Variants in PIBF1 observed in about 807,000 individuals in gnomAD.
PIBF1 encodes the protein progesterone-induced-blocking factor 1.
Under a neutral mutation model 112.5 loss-of-function variants are expected in PIBF1, and 90 were observed. The observed-to-expected ratio is 0.80, with a 90% CI of 0.67 to 0.95. The LOEUF (loss-of-function observed/expected upper bound fraction) is 0.95, where lower values mean the gene tolerates loss of function less well. Among genes scored for constraint, PIBF1 ranks in the 40% least tolerant of loss-of-function variants. The pLI is 0.00. For synonymous variants in PIBF1, 301 were observed against 288.6 expected (o/e 1.04, Z -0.44); for missense variants, 915 against 852.3 (o/e 1.07, Z -0.92).
At chr13:72,883,427 A>C (rs1050375876) in intron 10 of PIBF1, among the ~76,000 whole-genome samples, 5 of 152,188 alleles carry the variant, frequency 3.3e-5, no homozygotes, top group African/African-American at 1.2e-4. Flanking sequence ...CAACATGGTG[A>C]CTATAGTCAG....
chr13:72,944,042 C>T (rs1381654883), intron 14 of PIBF1, among the ~76,000 whole-genome samples: 1 of 152,124 alleles, frequency 6.6e-6, no homozygotes, highest in Admixed American at 6.5e-5. Flanking sequence ...TTATTTTTCT[C>T]TTGCTGGCCA....
chr13:72,913,823 G>A (rs1395229093), intron 12 of PIBF1, among the ~76,000 whole-genome samples: 1 of 151,576 alleles, frequency 6.6e-6, no homozygotes, highest in Non-Finnish European at 1.5e-5. Flanking sequence ...TTTTCAGTGT[G>A]TCCACATGTA....
At chr13:72,804,659 G>A (rs1352851029) in intron 5 of PIBF1, among the ~76,000 whole-genome samples, 1 of 152,148 alleles carries the variant, frequency 6.6e-6, no homozygotes, top group Non-Finnish European at 1.5e-5. Flanking sequence ...GAGATGGGTT[G>A]GGAGAAGGTC....
At chr13:72,946,975 C>T (rs1256664756) in intron 14 of PIBF1, among the ~76,000 whole-genome samples, 1 of 152,200 alleles carries the variant, frequency 6.6e-6, no homozygotes, top group African/African-American at 2.4e-5. Context: ...GCCGTCTTCT[C>T]ACGGCTCCAC....
intron 1 of PIBF1, among the ~76,000 whole-genome samples, chr13:72,782,841 A>G (rs2034354713): frequency 6.6e-6 from 1 of 151,146 alleles, no homozygotes; most frequent in African/African-American, 2.4e-5. Flanking sequence ...CCCTATTTTG[A>G]CATTTAAGGC....
At chr13:72,982,038 A>G (rs2043169867) in intron 16 of PIBF1, among the ~76,000 whole-genome samples, 1 of 152,208 alleles carries the variant, frequency 6.6e-6, no homozygotes, top group African/African-American at 2.4e-5. Flanking sequence ...CTACTTTGCA[A>G]GGTTCTGTGA....
chr13:72,940,119 CACCT>C, intron 14 of PIBF1, among the ~76,000 whole-genome samples: 1 of 152,212 alleles, frequency 6.6e-6, no homozygotes, highest in East Asian at 1.9e-4. Flanking sequence ...TCAATCCTCT[CACCT>C]TCCTTTGAGG....
intron 16 of PIBF1, among the ~76,000 whole-genome samples, chr13:72,977,205 T>A (rs927388739): frequency 6.6e-6 from 1 of 151,768 alleles, no homozygotes; most frequent in Non-Finnish European, 1.5e-5. Flanking sequence ...TTTGTTTTGT[T>A]TTGTCTTGTT....
At chr13:72,857,226 A>G (rs1335766826) in intron 10 of PIBF1, among the ~76,000 whole-genome samples, 1 of 152,228 alleles carries the variant, frequency 6.6e-6, no homozygotes, top group African/African-American at 2.4e-5. Context: ...CATACCTCAT[A>G]ACTTACACCA....
rs1201583185 is a variant in PIBF1 at position 72,990,255 on chromosome 13, C to T, written c.2050-8567C>T. 2.0e-5 allele frequency among the ~76,000 whole-genome samples: 3 copies of T among 149,902 alleles called. No homozygotes were observed. The East Asian group carries it at 5.9e-4, about 29-fold the overall frequency. ...AAAAAAAATGCCAGGTACAGTGGCT[C>T]ACGCCTGTAATCCCAGCACTTTGGG... On this transcript the variant is annotated intron_variant, in intron 16 of 17. Transcript: ENST00000326291.
chr13:72,894,583 G>C (rs1401197236), intron 11 of PIBF1, among the ~76,000 whole-genome samples: 2 of 151,586 alleles, frequency 1.3e-5, no homozygotes, highest in East Asian at 3.9e-4. Flanking sequence ...ATTTATACAT[G>C]GTAAAGGTCA....
chr13:72,936,589 A>G (rs1353191011), intron 14 of PIBF1, among the ~76,000 whole-genome samples: 3 of 152,206 alleles, frequency 2.0e-5, no homozygotes, highest in Admixed American at 1.3e-4. Context: ...TTGTAGCATC[A>G]TTTGTTGAGA....
At chr13:72,885,669 A>G (rs1050995320) in intron 10 of PIBF1, among the ~76,000 whole-genome samples, 2 of 152,162 alleles carry the variant, frequency 1.3e-5, no homozygotes, top group Non-Finnish European at 2.9e-5. Context: ...GTTAGCTCAC[A>G]TTATCATCCA....
chr13:72,975,071 T>C (rs988263138), intron 16 of PIBF1, among the ~76,000 whole-genome samples: 30 of 151,682 alleles, frequency 2.0e-4, no homozygotes, highest in African/African-American at 7.3e-4. Flanking sequence ...TTTTTTTTTT[T>C]TGGAGACAGG....
At chr13:72,837,416 A>G (rs2037410347) in intron 9 of PIBF1, among the ~76,000 whole-genome samples, 1 of 152,052 alleles carries the variant, frequency 6.6e-6, no homozygotes, top group African/African-American at 2.4e-5. Flanking sequence ...AAGTAGCTCA[A>G]AGAAATATTG....
intron 5 of PIBF1, among the ~76,000 whole-genome samples, chr13:72,814,201 G>T (rs2036157432): frequency 6.6e-6 from 1 of 152,170 alleles, no homozygotes. Context: ...GCTCTAGGAG[G>T]CTGAGGCGGG....
intron 17 of PIBF1, among the ~76,000 whole-genome samples, chr13:73,004,409 T>G (rs1226282413): frequency 6.6e-6 from 1 of 151,168 alleles, no homozygotes; most frequent in African/African-American, 2.4e-5. Context: ...GTGAATCACT[T>G]GAACCCAGGA....
chr13:72,931,393 T>C, intron 14 of PIBF1, 126 bp downstream of exon 14: 2 of 696,076 alleles, frequency 2.9e-6, no homozygotes, highest in Middle Eastern at 4.0e-4. Context: ...TCACAATTTA[T>C]GAAACTAACT....
chr13:72,832,763 C>T (rs1437359843), intron 8 of PIBF1, among the ~76,000 whole-genome samples: 1 of 152,146 alleles, frequency 6.6e-6, no homozygotes, highest in Admixed American at 6.5e-5. Context: ...TTGCTCTTCT[C>T]AACAAGTATC....
Sources: allele counts gnomAD v4.1 joint callset (sites outside exome capture counted in the v4.1 genomes callset), GRCh38; gene constraint gnomAD v4.1.1; transcripts MANE v1.5; gene names NCBI Gene and HGNC (gene_info 2026-07-23, HGNC 2026-07-21).